CCN4: variants seen among roughly 807,000 people sequenced by gnomAD.
The protein encoded by CCN4 is cellular communication network factor 4.
In CCN4, 30 loss-of-function variants were observed where a neutral mutation model predicts 36.7. The ratio of observed to expected loss-of-function variants is 0.82; its 90% CI spans 0.61 to 1.11. The LOEUF (loss-of-function observed/expected upper bound fraction) is 1.11, where lower values mean the gene tolerates loss of function less well. Ranked by LOEUF, CCN4 falls within the 50% of genes least tolerant of loss-of-function variation. CCN4 has a pLI of 0.00. For missense variants in CCN4, 505 were observed against 504.9 expected (o/e 1.00, Z 0.00); for synonymous variants, 191 against 195.4 (o/e 0.98, Z 0.19).
intron 1 of CCN4, among the ~76,000 whole-genome samples, chr8:133,201,028 C>T (rs1446433784): frequency 6.6e-6 from 1 of 152,200 alleles, no homozygotes; most frequent in Admixed American, 6.5e-5. Context: ...CTATTCCCAA[C>T]CCCATGCCCT....
intron 1 of CCN4, among the ~76,000 whole-genome samples, chr8:133,207,793 G>T (rs1054412419): frequency 2.0e-5 from 3 of 152,180 alleles, no homozygotes; most frequent in Non-Finnish European, 2.9e-5. Context: ...GCGGCATGTG[G>T]TTTCTGCCTT....
chr8:133,227,941 A>ACG lies in CCN4; in HGVS notation c.*231_*232insCG. ...ACTCTAAAGAAAAATGCCTGTCTCTAGCTGTTCTGGACTACACCCAAGCCT... is the reference window on the plus strand; with the variant it reads ...ACTCTAAAGAAAAATGCCTGTCTCTACGGCTGTTCTGGACTACACCCAAGCCT... On this transcript the variant is annotated 3_prime_UTR_variant, in exon 5 of 5. Coordinates refer to ENST00000250160, the MANE Select transcript of CCN4 (RefSeq NM_003882.4). 1 of 538,260 alleles carries ACG rather than the reference A, an allele frequency of 1.9e-6. No individual in the cohort carries two copies. Among genetic ancestry groups the ACG allele is most frequent in the South Asian group, 2.6e-5 (1 of 38,676 alleles). The allele number at this position is 538,260 out of a possible 1,614,324, so 33.3% of individuals were successfully genotyped here.
chr8:133,221,249 A>G (rs1362310408), intron 3 of CCN4, among the ~76,000 whole-genome samples: 5 of 152,210 alleles, frequency 3.3e-5, no homozygotes, highest in Non-Finnish European at 5.9e-5. Context: ...TGCTATGAAG[A>G]TGGGTGGGCA....
chr8:133,197,924 G>A (rs1305682921), intron 1 of CCN4, among the ~76,000 whole-genome samples: 1 of 152,178 alleles, frequency 6.6e-6, no homozygotes, highest in East Asian at 1.9e-4. Context: ...CTAAGAGTAG[G>A]GGAATATCCT....
chr8:133,197,875 A>G (rs1371408176), intron 1 of CCN4, among the ~76,000 whole-genome samples: 3 of 152,144 alleles, frequency 2.0e-5, no homozygotes, highest in Non-Finnish European at 4.4e-5. Flanking sequence ...GTGTGCTATG[A>G]GCCTGCCCAT....
Position 133,213,006 on chromosome 8 carries a change from A to G in CCN4, c.212A>G (p.Asp71Gly). The G allele has an allele frequency of 1.9e-6, 3 of 1,614,122 alleles. No homozygotes were observed. Among genetic ancestry groups the G allele is most frequent in the Non-Finnish European group, 2.5e-6 (3 of 1,179,990 alleles). Residue 71 changes from aspartate (D) to glycine (G), a missense_variant, in exon 2 of 5, where the codon GAT (aspartate) becomes GGT (glycine). Physicochemically the swap from Asp to Gly is moderately conservative, Grantham distance 94 (BLOSUM62 -1). Coordinates refer to ENST00000250160, the MANE Select transcript of CCN4 (RefSeq NM_003882.4). ...CCGCTGGGGGTCAGCCTCATCACAGATGGCTGTGAGTGCTGTAAGATGTGC... is the reference window on the plus strand; with the variant it reads ...CCGCTGGGGGTCAGCCTCATCACAGGTGGCTGTGAGTGCTGTAAGATGTGC... ...RCPLGVSLIT[D>G]GCECCKMCAQ...
At chr8:133,192,360 G>A (rs1392298754) in intron 1 of CCN4, among the ~76,000 whole-genome samples, 2 of 152,178 alleles carry the variant, frequency 1.3e-5, no homozygotes, top group African/African-American at 4.8e-5. Flanking sequence ...TAATGATGGC[G>A]GGGAGTGGGT....
Position 133,226,009 on chromosome 8 carries a change from C to A in CCN4, c.804+426C>A, listed in dbSNP as rs149819731. ...GTCTGCTTGCATTAATTGCATGTGACTGTGGCCAATCTCTGCTCATCACTG... is the reference window on the plus strand; with the variant it reads ...GTCTGCTTGCATTAATTGCATGTGAATGTGGCCAATCTCTGCTCATCACTG... On this transcript the variant is annotated intron_variant, in intron 4 of 4. Transcript: ENST00000250160. Among the ~76,000 whole-genome samples, 499 of 152,290 alleles carry A rather than the reference C, an allele frequency of 3.3e-3. 7 individuals are homozygous for A. The highest frequency in any genetic ancestry group is 0.021 in the Admixed American group (319 of 15,302).
In CCN4 at chr8:133,213,008, G is replaced by A; in HGVS notation, c.214G>A (p.Gly72Ser). ...CPLGVSLITDGCECCKMCAQQ... is the reference protein window; with the variant it reads ...CPLGVSLITDSCECCKMCAQQ... ...GCTGGGGGTCAGCCTCATCACAGAT[G>A]GCTGTGAGTGCTGTAAGATGTGCGC... is the stretch of plus-strand genomic sequence containing the variant. Residue 72 changes from glycine to serine, a missense_variant, in exon 2 of 5, where the codon GGC (glycine) becomes AGC (serine). Gly to Ser is a moderately conservative substitution (Grantham distance 56). Coordinates refer to ENST00000250160, the MANE Select transcript of CCN4 (RefSeq NM_003882.4). 1 of 1,614,178 alleles carries A rather than the reference G, an allele frequency of 6.2e-7. No individual in the cohort carries two copies. The highest frequency in any genetic ancestry group is 2.2e-5 in the East Asian group (1 of 44,864).
chr8:133,204,596 C>T (rs1853701227), intron 1 of CCN4, among the ~76,000 whole-genome samples: 2 of 152,218 alleles, frequency 1.3e-5, no homozygotes, highest in African/African-American at 2.4e-5. Flanking sequence ...ACTCTGTCAC[C>T]CAGGCTGGAA....
chr8:133,198,488 C>T (rs773959149), intron 1 of CCN4, among the ~76,000 whole-genome samples: 1 of 152,208 alleles, frequency 6.6e-6, no homozygotes, highest in Non-Finnish European at 1.5e-5. Flanking sequence ...TTTTCCCAGT[C>T]TCTTCCTTTG....
chr8:133,217,986 G>T (rs1588200531), intron 2 of CCN4, among the ~76,000 whole-genome samples: 1 of 89,650 alleles, frequency 1.1e-5, no homozygotes, highest in African/African-American at 4.5e-5. Flanking sequence ...CAGCGTGCAG[G>T]CAGAGGCAGG....
intron 1 of CCN4, among the ~76,000 whole-genome samples, chr8:133,203,218 T>G (rs978758259): frequency 1.3e-5 from 2 of 152,216 alleles, no homozygotes; most frequent in African/African-American, 4.8e-5. Context: ...AACCCGTCCC[T>G]GAGAATCCCC....
At position 133,218,862 on chromosome 8, in the gene CCN4, T is replaced by C. The variant is rs150207129; in HGVS notation, c.350-1719T>C. 7.2e-3 allele frequency among the ~76,000 whole-genome samples: 1,095 copies of C among 152,266 alleles called. 19 individuals are homozygous for C. The highest frequency in any genetic ancestry group is 0.025 in the African/African-American group (1,051 of 41,544). On this transcript the variant is annotated intron_variant, in intron 2 of 4. Coordinates refer to ENST00000250160, the MANE Select transcript of CCN4 (RefSeq NM_003882.4). ...TGTCAACCAGCCATCTCACGCATAA[T>C]GGAGAACACTTGAGTCCACCCAACC...
At position 133,229,107 on chromosome 8, in the gene CCN4, C is replaced by T. The variant is rs1854858580; in HGVS notation, c.*1397C>T. 6.6e-6 allele frequency: 1 copy of T among 152,188 alleles called. No individual in the cohort carries two copies. The highest frequency in any genetic ancestry group is 1.5e-5 in the Non-Finnish European group (1 of 68,044). The allele number at this position is 152,188 out of a possible 1,614,324, so 9.4% of individuals were successfully genotyped here. On this transcript the variant is annotated 3_prime_UTR_variant, in exon 5 of 5. Transcript: ENST00000250160. The stretch of plus-strand genomic sequence containing the variant: ...GTATTAGCTCACTGAATCTTCACGA[C>T]AATGTTGAGAAGTTCCCATTATTAT...
chr8:133,209,333 C>T (rs1229094522), intron 1 of CCN4, among the ~76,000 whole-genome samples: 1 of 152,206 alleles, frequency 6.6e-6, no homozygotes, highest in Admixed American at 6.5e-5. Context: ...CACTCAGAGG[C>T]TCACACACCA....
intron 1 of CCN4, among the ~76,000 whole-genome samples, chr8:133,211,565 G>A (rs1421070044): frequency 6.6e-6 from 1 of 152,186 alleles, no homozygotes; most frequent in African/African-American, 2.4e-5. Context: ...GAATTTGTCT[G>A]AGTAGCTCAG....
chr8:133,195,598 C>T (rs1170303544), intron 1 of CCN4, among the ~76,000 whole-genome samples: 3 of 152,128 alleles, frequency 2.0e-5, no homozygotes, highest in East Asian at 3.9e-4. Flanking sequence ...CTCCAGCCGA[C>T]AGCTTATCTT....
Position 133,213,007 on chromosome 8 carries a change from T to C in CCN4, c.213T>C (p.Asp71=). ...RCPLGVSLIT[D]GCECCKMCAQ... ...CGCTGGGGGTCAGCCTCATCACAGA[T>C]GGCTGTGAGTGCTGTAAGATGTGCG... The change falls in exon 2 of 5, where the codon GAT becomes GAC. Residue 71 remains aspartate (D), a synonymous_variant. Coordinates refer to ENST00000250160, the MANE Select transcript of CCN4 (RefSeq NM_003882.4). 1 of 1,614,164 alleles carries C rather than the reference T, an allele frequency of 6.2e-7. No individual in the cohort carries two copies. The highest frequency in any genetic ancestry group is 8.5e-7 in the Non-Finnish European group (1 of 1,180,008).
Sources: allele counts gnomAD v4.1 joint callset (sites outside exome capture counted in the v4.1 genomes callset), GRCh38; gene constraint gnomAD v4.1.1; transcripts MANE v1.5; gene names NCBI Gene and HGNC (gene_info 2026-07-23, HGNC 2026-07-21).